SMC6: variants seen among roughly 807,000 people sequenced by gnomAD.
The protein encoded by SMC6 is structural maintenance of chromosomes 6, also known as structural maintenance of chromosomes protein 6.
SMC6 carries 79 observed loss-of-function variants against 142.2 expected under a neutral mutation model. The observed-to-expected ratio is 0.56, with a 90% CI of 0.46 to 0.67. The LOEUF is 0.67. Among genes scored for constraint, SMC6 ranks in the 30% least tolerant of loss-of-function variants. The pLI, the probability that SMC6 is intolerant of heterozygous loss-of-function variation, is 0.00. For missense variants in SMC6, 1,072 were observed against 1,284.0 expected (o/e 0.83, Z 2.52); for synonymous variants, 411 against 412.4 (o/e 1.00, Z 0.04).
intron 11 of SMC6, among the ~76,000 whole-genome samples, chr2:17,719,942 G>C (rs1226014718): frequency 6.6e-6 from 1 of 152,168 alleles, no homozygotes; most frequent in Non-Finnish European, 1.5e-5. Context: ...CCACAGCCAA[G>C]CTTGGGGGCC....
At position 17,753,068 on chromosome 2, in the gene SMC6, T is replaced by G; in HGVS notation, c.-92-4A>C. The G allele has an allele frequency of 1.0e-6, 1 of 968,934 alleles. No individual in the cohort carries two copies. Among genetic ancestry groups the G allele is most frequent in the South Asian group, 4.8e-5 (1 of 20,972 alleles). 60.0% of individuals were successfully genotyped at this position (968,934 alleles called of 1,614,324 possible). On this transcript the variant is annotated splice_region_variant and splice_polypyrimidine_tract_variant and intron_variant, in intron 1 of 27. Transcript: ENST00000448223. Reference sequence around the variant, plus strand: ...GGGATTCTTCTCCGGTTCATTTCTGTAAGAAATGAGGGCAGAGAAATGCCA... The same window carrying G: ...GGGATTCTTCTCCGGTTCATTTCTGGAAGAAATGAGGGCAGAGAAATGCCA...
chr2:17,675,821 T>A (rs1447816709), intron 25 of SMC6, among the ~76,000 whole-genome samples: 13 of 152,132 alleles, frequency 8.5e-5, no homozygotes, highest in African/African-American at 3.1e-4. Context: ...TATTTGACTA[T>A]CATATAAATT....
At chr2:17,741,049 A>G (rs1273075723) in intron 4 of SMC6, among the ~76,000 whole-genome samples, 1 of 152,164 alleles carries the variant, frequency 6.6e-6, no homozygotes, top group African/African-American at 2.4e-5. Flanking sequence ...ACAATAAACC[A>G]TATAAGGTTA....
intron 5 of SMC6, among the ~76,000 whole-genome samples, chr2:17,735,276 T>A (rs1158344660): frequency 6.6e-6 from 1 of 152,126 alleles, no homozygotes; most frequent in Non-Finnish European, 1.5e-5. Flanking sequence ...CTATGAGATT[T>A]TTTTCAGAAT....
At position 17,665,285 on chromosome 2, in the gene SMC6, T is replaced by A; in HGVS notation, c.*214A>T. ...TTAAAAAGATTTAAAACCAATACTA[T>A]GAAATTGATTTTCTTAAAGTAATAG... is the stretch of plus-strand genomic sequence containing the variant. On this transcript the variant is annotated 3_prime_UTR_variant, in exon 28 of 28. Coordinates refer to ENST00000448223, the MANE Select transcript of SMC6 (RefSeq NM_001142286.2). 2.9e-6 allele frequency: 1 copy of A among 350,822 alleles called. No individual in the cohort carries two copies. Among genetic ancestry groups the A allele is most frequent in the South Asian group, 1.1e-4 (1 of 9,108 alleles). 21.7% of individuals were successfully genotyped at this position (350,822 alleles called of 1,614,324 possible).
At chr2:17,699,565 A>T (rs1324348523) in intron 21 of SMC6, among the ~76,000 whole-genome samples, 2 of 151,958 alleles carry the variant, frequency 1.3e-5, no homozygotes, top group Non-Finnish European at 2.9e-5. Flanking sequence ...ACTTTCTAAG[A>T]CTCCAACAAT....
intron 25 of SMC6, among the ~76,000 whole-genome samples, chr2:17,670,895 C>T (rs1666727596): frequency 6.6e-6 from 1 of 152,156 alleles, no homozygotes; most frequent in South Asian, 2.1e-4. Context: ...GGGTCTCGCT[C>T]TGTTGAACCA....
intron 25 of SMC6, among the ~76,000 whole-genome samples, chr2:17,673,726 T>C (rs914561258): frequency 6.6e-5 from 10 of 151,844 alleles, no homozygotes; most frequent in East Asian, 1.9e-4. Flanking sequence ...TGTGCCACCA[T>C]GCCCAGCTAA....
At chr2:17,714,296 G>A (rs1668973406) in intron 16 of SMC6, among the ~76,000 whole-genome samples, 1 of 151,870 alleles carries the variant, frequency 6.6e-6, no homozygotes, top group Non-Finnish European at 1.5e-5. Context: ...GTCTCCCCAA[G>A]TTGCCCAGGC....
At chr2:17,700,077 A>G (rs1668196382) in intron 21 of SMC6, 131 bp downstream of exon 21, 2 of 529,668 alleles carry the variant, frequency 3.8e-6, no homozygotes, top group Non-Finnish European at 6.3e-6. Context: ...GGTTCCCACC[A>G]TTCTTTATAT....
At chr2:17,678,799 A>C (rs758653385) in intron 25 of SMC6, 60 bp downstream of exon 25, 61 of 1,290,404 alleles carry the variant, frequency 4.7e-5, no homozygotes, top group Non-Finnish European at 6.1e-5. Flanking sequence ...ACAAAAATAG[A>C]AAAGAAAAGA....
chr2:17,749,001 A>C (rs990371692), intron 2 of SMC6, among the ~76,000 whole-genome samples: 1 of 152,218 alleles, frequency 6.6e-6, no homozygotes, highest in East Asian at 1.9e-4. Context: ...GCAGTTTGCT[A>C]TTAGGTTGCC....
intron 5 of SMC6, among the ~76,000 whole-genome samples, chr2:17,735,411 T>C (rs941306120): frequency 1.4e-4 from 22 of 152,312 alleles, no homozygotes; most frequent in Middle Eastern, 3.4e-3. Flanking sequence ...AGAAAAGTCA[T>C]ATAAAAAGAT....
At chr2:17,676,626 T>C (rs1485778972) in intron 25 of SMC6, among the ~76,000 whole-genome samples, 1 of 152,102 alleles carries the variant, frequency 6.6e-6, no homozygotes, top group South Asian at 2.1e-4. Context: ...GCAGTCTGTA[T>C]ATCAATTTGG....
intron 7 of SMC6, among the ~76,000 whole-genome samples, chr2:17,730,159 C>T (rs1669836251): frequency 1.3e-5 from 2 of 152,124 alleles, no homozygotes; most frequent in Admixed American, 6.6e-5. Context: ...CTCCCAGTTT[C>T]TCATCTACAA....
Position 17,731,735 on chromosome 2 carries a change from A to T in SMC6, c.481+6T>A, listed in dbSNP as rs1301078567. 1 of 1,609,374 alleles carries T rather than the reference A, an allele frequency of 6.2e-7. No individual in the cohort carries two copies. Among genetic ancestry groups the T allele is most frequent in the Admixed American group, 1.7e-5 (1 of 58,756 alleles). On this transcript the variant is annotated splice_donor_region_variant and intron_variant, in intron 6 of 27. Transcript: ENST00000448223. Reference sequence around the variant, plus strand: ...TATAAGAAATGAAAAGAGAATCAAAACAAACCTGTTGCACTTTTAAGTTTA... The same window carrying T: ...TATAAGAAATGAAAAGAGAATCAAATCAAACCTGTTGCACTTTTAAGTTTA...
intron 21 of SMC6, among the ~76,000 whole-genome samples, chr2:17,698,270 A>G (rs1180714577): frequency 3.3e-5 from 5 of 152,026 alleles, no homozygotes; most frequent in African/African-American, 4.8e-5. Context: ...AAATGGATAA[A>G]TTTTACTGAA....
At chr2:17,739,797 G>A (rs1419601238) in intron 4 of SMC6, among the ~76,000 whole-genome samples, 4 of 145,260 alleles carry the variant, frequency 2.8e-5, no homozygotes, top group Non-Finnish European at 4.5e-5. Flanking sequence ...TGGGTGACCC[G>A]GAGAGAGAGA....
At chr2:17,733,450 T>C (rs1670002802) in intron 5 of SMC6, among the ~76,000 whole-genome samples, 1 of 152,234 alleles carries the variant, frequency 6.6e-6, no homozygotes, top group South Asian at 2.1e-4. Context: ...TTCTGTAGTT[T>C]AGTTGATATT....
Sources: gnomAD v4.1 joint callset for allele counts (sites outside exome capture counted in the v4.1 genomes callset) on GRCh38, gnomAD v4.1.1 for gene constraint, MANE v1.5 for transcripts, NCBI Gene and HGNC (gene_info 2026-07-23, HGNC 2026-07-21) for gene names.